The following GRIA2 variants were observed in gnomAD, a reference collection of about 807,000 sequenced individuals.
GRIA2 encodes glutamate ionotropic receptor AMPA type subunit 2, also known as glutamate receptor 2.
A neutral mutation model predicts 97.3 loss-of-function variants in GRIA2; 14 were observed. The ratio of observed to expected loss-of-function variants is 0.14; its 90% CI spans 0.10 to 0.23. GRIA2 has a LOEUF of 0.23. Among genes scored for constraint, GRIA2 ranks in the 10% least tolerant of loss-of-function variants. The pLI, the probability that GRIA2 is intolerant of heterozygous loss-of-function variation, is 1.00. For synonymous variants in GRIA2, 412 were observed against 387.8 expected, an observed-to-expected ratio of 1.06 and a Z score of -0.73; for missense variants, 558 against 1,069.8, an observed-to-expected ratio of 0.52 and a Z score of 6.67.
intron 2 of GRIA2, among the ~76,000 whole-genome samples, chr4:157,282,783 C>T (rs1045255794): frequency 6.6e-5 from 10 of 152,130 alleles, no homozygotes; most frequent in South Asian, 2.1e-4. Flanking sequence ...GAACATCACT[C>T]AGGTCTATTT....
At chr4:157,236,673 T>G (rs1275880214) in intron 2 of GRIA2, among the ~76,000 whole-genome samples, 1 of 152,152 alleles carries the variant, frequency 6.6e-6, no homozygotes, top group East Asian at 1.9e-4. Flanking sequence ...TATGAGTATG[T>G]CTGTTTCTGC....
At chr4:157,233,356 T>A (rs150752923) in intron 2 of GRIA2, among the ~76,000 whole-genome samples, 1 of 152,278 alleles carries the variant, frequency 6.6e-6, no homozygotes, top group East Asian at 1.9e-4. Context: ...CTCTCATATT[T>A]TTAGCAGATA....
chr4:157,269,024 G>A (rs968613084), intron 2 of GRIA2, among the ~76,000 whole-genome samples: 1 of 152,050 alleles, frequency 6.6e-6, no homozygotes, highest in Non-Finnish European at 1.5e-5. Context: ...TATGTGTTAT[G>A]TATACTTACA....
chr4:157,336,339 A>C, intron 10 of GRIA2, 38 bp from the exon 11 acceptor site: 1 of 1,461,242 alleles, frequency 6.8e-7, no homozygotes, highest in South Asian at 1.5e-5. Flanking sequence ...TTTCACCATG[A>C]CTCCAGGTAC....
intron 5 of GRIA2, among the ~76,000 whole-genome samples, chr4:157,319,080 A>G (rs903392701): frequency 1.3e-5 from 2 of 152,194 alleles, no homozygotes; most frequent in African/African-American, 4.8e-5. Flanking sequence ...GGTAACTACT[A>G]TAAAAATTCT....
At position 157,325,164 on chromosome 4, in the gene GRIA2, C is replaced by T. The variant is rs527673493; in HGVS notation, c.882+3565C>T. Among the ~76,000 whole-genome samples, 9 of 151,922 alleles carry T rather than the reference C, an allele frequency of 5.9e-5. No homozygotes were observed. In the South Asian group the frequency reaches 1.9e-3, roughly 32 times the overall value. On this transcript the variant is annotated intron_variant, in intron 6 of 15. Transcript: ENST00000264426. ...TGATTGTTCAACGTTTTCATCTTCC[C>T]CTAAAGTTAAATCAGCTTCCAAAGT...
chr4:157,332,784 T>C (rs1190215538), intron 6 of GRIA2, 35 bp from the exon 7 acceptor site: 4 of 1,561,412 alleles, frequency 2.6e-6, no homozygotes, highest in Non-Finnish European at 3.5e-6. Flanking sequence ...CTGAATTTTC[T>C]CCCGTTCTTA....
chr4:157,230,076 A>G (rs1729931483), intron 2 of GRIA2, among the ~76,000 whole-genome samples: 1 of 152,132 alleles, frequency 6.6e-6, no homozygotes, highest in Non-Finnish European at 1.5e-5. Flanking sequence ...ATAATGTCTA[A>G]CTTCAGCATA....
At chr4:157,277,272 T>G (rs915751722) in intron 2 of GRIA2, among the ~76,000 whole-genome samples, 2 of 151,736 alleles carry the variant, frequency 1.3e-5, no homozygotes. Flanking sequence ...ATCAACAAAC[T>G]AAAAAAGAAA....
chr4:157,336,278 T>C, intron 10 of GRIA2, 99 bp from the exon 11 acceptor site: 1 of 977,532 alleles, frequency 1.0e-6, no homozygotes, highest in East Asian at 2.4e-5. Context: ...TTGTCATTTT[T>C]CTGATTTCCT....
intron 2 of GRIA2, among the ~76,000 whole-genome samples, chr4:157,232,673 A>C (rs1730073347): frequency 6.6e-6 from 1 of 152,176 alleles, no homozygotes; most frequent in South Asian, 2.1e-4. Context: ...GGAGGGAAGG[A>C]CCATAAAATC....
intron 2 of GRIA2, among the ~76,000 whole-genome samples, chr4:157,289,968 C>T (rs1411227705): frequency 6.6e-6 from 1 of 151,818 alleles, no homozygotes; most frequent in Non-Finnish European, 1.5e-5. Flanking sequence ...TTCAGCCCTA[C>T]TGTCACTATC....
chr4:157,301,387 A>G (rs754104272), intron 2 of GRIA2, among the ~76,000 whole-genome samples: 4 of 152,222 alleles, frequency 2.6e-5, no homozygotes, highest in African/African-American at 7.2e-5. Flanking sequence ...CAGTTATTTC[A>G]TCTTTGCCTT....
intron 3 of GRIA2, among the ~76,000 whole-genome samples, chr4:157,312,381 A>G (rs534654886): frequency 6.6e-6 from 1 of 152,190 alleles, no homozygotes; most frequent in African/African-American, 2.4e-5. Flanking sequence ...TTAACATTAC[A>G]CTTTAGTAAT....
intron 6 of GRIA2, among the ~76,000 whole-genome samples, chr4:157,322,863 T>A (rs1055479691): frequency 2.0e-5 from 3 of 152,180 alleles, no homozygotes; most frequent in Non-Finnish European, 4.4e-5. Context: ...TGACTGTCTA[T>A]GAGATTGGTC....
At chr4:157,324,328 T>G (rs1430586796) in intron 6 of GRIA2, among the ~76,000 whole-genome samples, 1 of 152,182 alleles carries the variant, frequency 6.6e-6, no homozygotes, top group East Asian at 1.9e-4. Flanking sequence ...GCATTGCTTA[T>G]GTACTAGAAG....
At chr4:157,295,749 A>G (rs1043692309) in intron 2 of GRIA2, among the ~76,000 whole-genome samples, 2 of 152,118 alleles carry the variant, frequency 1.3e-5, no homozygotes, top group African/African-American at 2.4e-5. Context: ...ATTTACCTAC[A>G]TTTTGTGAGA....
chr4:157,277,441 A>G (rs187084687), intron 2 of GRIA2, among the ~76,000 whole-genome samples: 106 of 151,978 alleles, frequency 7.0e-4, no homozygotes, highest in African/African-American at 2.4e-3. Context: ...ATTGTGAGAA[A>G]CTAGAAGCTT....
Position 157,321,579 on chromosome 4 carries a change from G to T in GRIA2, c.862G>T (p.Ala288Ser), listed in dbSNP as rs147349807. Reference protein sequence around the residue: ...STLEEKEYPGAHTTTIKYTSA... With the variant: ...STLEEKEYPGSHTTTIKYTSA... ...ACTGGAAGAAAAAGAATACCCTGGA[G>T]CTCACACAACAACAATTAAGGTTTG... is the stretch of plus-strand genomic sequence containing the variant. The change falls in exon 6 of 16, where the codon GCT becomes TCT. Residue 288 changes from alanine (A) to serine (S), a missense_variant. By Grantham distance (99) the Ala-to-Ser change is moderately conservative (BLOSUM62 1). Around this residue, in one of 8 missense-constraint regions of GRIA2, gnomAD observed 173 missense variants for 209.1 expected, o/e 0.83. Coordinates refer to ENST00000264426, the MANE Select transcript of GRIA2 (RefSeq NM_001083619.3). 20 of 1,609,962 alleles carry T rather than the reference G, an allele frequency of 1.2e-5. No individual in the cohort carries two copies. The highest frequency in any genetic ancestry group is 1.6e-5 in the Non-Finnish European group (19 of 1,177,514).
Sources: gnomAD v4.1 joint callset for allele counts (sites outside exome capture counted in the v4.1 genomes callset) on GRCh38, gnomAD v4.1.1 for gene constraint, gnomAD v4.1.1 regional missense constraint, MANE v1.5 for transcripts, NCBI Gene and HGNC (gene_info 2026-07-23, HGNC 2026-07-21) for gene names.